Variants in R3HDM1 observed in about 807,000 individuals in gnomAD.
The protein encoded by R3HDM1 is R3H domain containing 1.
Under a neutral mutation model 141.1 loss-of-function variants are expected in R3HDM1, and 46 were observed. The observed-to-expected ratio is 0.33, with a 90% CI of 0.26 to 0.42. R3HDM1 has a LOEUF of 0.42. Ranked by LOEUF, R3HDM1 falls within the 10% of genes least tolerant of loss-of-function variation. R3HDM1 has a pLI of 1.00. For synonymous variants in R3HDM1, 435 were observed against 472.9 expected, an observed-to-expected ratio of 0.92 and a Z score of 1.04; for missense variants, 1,184 against 1,368.3, an observed-to-expected ratio of 0.87 and a Z score of 2.12.
At position 135,663,151 on chromosome 2, in the gene R3HDM1, AAAAAT is replaced by A. The variant is rs1454446760; in HGVS notation, c.2152+1760_2152+1764del. ...CTCTCTGCCAAAAAAAAAAAAAAAA[AAAAAT>A]ATGACACTTAATAGAATTCAACTAA... On this transcript the variant is annotated intron_variant, in intron 19 of 26. Coordinates refer to ENST00000683871, the MANE Select transcript of R3HDM1 (RefSeq NM_001378107.1). Among the ~76,000 whole-genome samples the A allele has an allele frequency of 3.9e-4, 52 of 132,756 alleles. 1 individual carries two copies. Among genetic ancestry groups the A allele is most frequent in the East Asian group, 2.2e-3 (10 of 4,602 alleles). 87.1% of individuals were successfully genotyped at this position (132,756 alleles called of 152,430 possible). A position where few individuals can be genotyped will look rare whatever the true frequency, so the allele number is the denominator to read the frequency against.
chr2:135,651,897 G>GCCACCA lies in R3HDM1; in HGVS notation c.1902_1907dup (p.Pro639_Pro640dup). 4 of 1,459,576 alleles carry GCCACCA rather than the reference G, an allele frequency of 2.7e-6. No homozygotes were observed. Among genetic ancestry groups the GCCACCA allele is most frequent in the East Asian group, 2.5e-5 (1 of 40,156 alleles). 90.4% of individuals were successfully genotyped at this position (1,459,576 alleles called of 1,614,324 possible). A position where few individuals can be genotyped will look rare whatever the true frequency, so the allele number is the denominator to read the frequency against. ...CCCCTCCACCACATCCTCCTCCACC[G>GCCACCA]CCACCACCACCACCTCCTCCTCCTC... On this transcript the variant is annotated inframe_insertion, in exon 18 of 27. Transcript: ENST00000683871.
intron 5 of R3HDM1, chr2:135,620,643 T>G: frequency 4.1e-6 from 4 of 978,036 alleles, no homozygotes; most frequent in Non-Finnish European, 4.9e-6. Context: ...CAGTATAATT[T>G]AGTCTAAAAA....
At chr2:135,533,996 G>C in intron 1 of R3HDM1, 2 of 985,308 alleles carry the variant, frequency 2.0e-6, no homozygotes, top group Non-Finnish European at 2.4e-6. Context: ...TGGGTTTGTT[G>C]TTCATATGCT....
intron 18 of R3HDM1, among the ~76,000 whole-genome samples, chr2:135,656,758 A>G (rs2065948587): frequency 6.6e-6 from 1 of 152,140 alleles, no homozygotes; most frequent in Admixed American, 6.5e-5. Context: ...GCATCTCTAT[A>G]TATTATATAC....
In R3HDM1 at chr2:135,626,181, T is replaced by TTGCG. The variant is rs1161583452; in HGVS notation, c.497+3477_497+3480dup. ...TGTTGTCCACTGTAGAACTGCTTGC[T>TTGCG]TGCGTGCGTGCGTGCGTGCGTGCGT... On this transcript the variant is annotated intron_variant, in intron 7 of 26. Coordinates refer to ENST00000683871, the MANE Select transcript of R3HDM1 (RefSeq NM_001378107.1). Among the ~76,000 whole-genome samples the TTGCG allele has an allele frequency of 6.1e-3, 823 of 135,920 alleles. 11 individuals are homozygous for TTGCG. The highest frequency in any genetic ancestry group is 0.027 in the Admixed American group (345 of 12,922). 89.2% of individuals were successfully genotyped at this position (135,920 alleles called of 152,430 possible).
chr2:135,711,690 G>A (rs1428601209), intron 23 of R3HDM1, among the ~76,000 whole-genome samples: 1 of 151,566 alleles, frequency 6.6e-6, no homozygotes, highest in African/African-American at 2.4e-5. Flanking sequence ...CAGGCACAGT[G>A]GCTCATGCCT....
At chr2:135,552,433 T>A (rs1573704893) in intron 1 of R3HDM1, among the ~76,000 whole-genome samples, 1 of 151,994 alleles carries the variant, frequency 6.6e-6, no homozygotes, top group African/African-American at 2.4e-5. Flanking sequence ...TGACCTCAAG[T>A]GATCCACCCG....
At chr2:135,661,150 C>G in intron 18 of R3HDM1, 120 bp from the exon 19 acceptor site, 1 of 1,229,644 alleles carries the variant, frequency 8.1e-7, no homozygotes, top group Non-Finnish European at 1.1e-6. Context: ...TAAGAAAAAT[C>G]AGTTTTCCAA....
chr2:135,536,367 C>A, intron 1 of R3HDM1: 1 of 185,010 alleles, frequency 5.4e-6, no homozygotes, highest in Non-Finnish European at 1.0e-5. Context: ...GCTGGTCTCC[C>A]ACCTCCTGGG....
At chr2:135,699,307 G>A (rs1290005036) in intron 21 of R3HDM1, among the ~76,000 whole-genome samples, 2 of 152,138 alleles carry the variant, frequency 1.3e-5, no homozygotes, top group Non-Finnish European at 2.9e-5. Context: ...TCAAGACAGA[G>A]GATCCTTTTT....
intron 5 of R3HDM1, 24 bp downstream of exon 5, chr2:135,616,781 T>C (rs760226382): frequency 1.3e-6 from 2 of 1,523,704 alleles, no homozygotes; most frequent in Admixed American, 3.5e-5. Flanking sequence ...ACAAATGTTA[T>C]TTCAAGACAT....
intron 23 of R3HDM1, 110 bp from the exon 24 acceptor site, chr2:135,715,440 T>C: frequency 8.0e-7 from 1 of 1,252,508 alleles, no homozygotes. Context: ...ATCACATGCT[T>C]CTATAATGTT....
intron 14 of R3HDM1, among the ~76,000 whole-genome samples, chr2:135,640,711 C>T (rs1460555259): frequency 6.6e-6 from 1 of 152,136 alleles, no homozygotes; most frequent in Non-Finnish European, 1.5e-5. Flanking sequence ...AGAGTCAATT[C>T]TCTTATTCAA....
intron 24 of R3HDM1, among the ~76,000 whole-genome samples, chr2:135,719,337 A>C (rs564041488): frequency 1.3e-5 from 2 of 148,942 alleles, no homozygotes; most frequent in East Asian, 4.1e-4. Context: ...AATTAGCTGG[A>C]CATGGTGGTG....
intron 17 of R3HDM1, chr2:135,650,268 G>A: frequency 1.0e-6 from 1 of 985,222 alleles, no homozygotes; most frequent in Non-Finnish European, 1.2e-6. Flanking sequence ...CTAGTCCTAA[G>A]ATGTTTTAGC....
chr2:135,594,627 A>G (rs576924539), intron 1 of R3HDM1, among the ~76,000 whole-genome samples: 1 of 152,320 alleles, frequency 6.6e-6, no homozygotes, highest in African/African-American at 2.4e-5. Flanking sequence ...GGGGTAAAAA[A>G]GAAGAAATTT....
intron 21 of R3HDM1, among the ~76,000 whole-genome samples, chr2:135,701,042 A>C (rs916906145): frequency 6.6e-6 from 1 of 152,146 alleles, no homozygotes; most frequent in Admixed American, 6.5e-5. Context: ...TGATAGAACA[A>C]TGATAACAAT....
intron 19 of R3HDM1, among the ~76,000 whole-genome samples, chr2:135,672,805 T>C (rs1480869122): frequency 1.3e-5 from 2 of 152,038 alleles, no homozygotes; most frequent in African/African-American, 2.4e-5. Flanking sequence ...ATTAGGCTGC[T>C]TTAAAGAATA....
chr2:135,626,150 C>T (rs1229715589), intron 7 of R3HDM1, among the ~76,000 whole-genome samples: 1 of 151,878 alleles, frequency 6.6e-6, no homozygotes, highest in African/African-American at 2.4e-5. Flanking sequence ...TTGGAGGACA[C>T]CCAGCTGTTG....
Sources: allele counts gnomAD v4.1 joint callset (sites outside exome capture counted in the v4.1 genomes callset), GRCh38; gene constraint gnomAD v4.1.1; transcripts MANE v1.5; gene names NCBI Gene and HGNC (gene_info 2026-07-23, HGNC 2026-07-21).